Variants in GSE1 observed in about 807,000 individuals in gnomAD.
GSE1 encodes the protein genetic suppressor element 1.
Under a neutral mutation model 112.6 loss-of-function variants are expected in GSE1, and 32 were observed. That is an observed-to-expected ratio of 0.28 (90% CI 0.21 to 0.38). The LOEUF is 0.38. GSE1 is among the 10% of genes least tolerant of loss of function. GSE1 has a pLI of 1.00. For synonymous variants in GSE1, 1,115 were observed against 735.6 expected (o/e 1.52, Z -8.35); for missense variants, 2,348 against 1,699.2 (o/e 1.38, Z -6.71).
intron 2 of GSE1, among the ~76,000 whole-genome samples, chr16:85,471,462 G>A (rs1386052847): frequency 6.6e-6 from 1 of 152,166 alleles, no homozygotes; most frequent in Non-Finnish European, 1.5e-5. Flanking sequence ...CACCCAGGCT[G>A]GAGTGCAGTG....
chr16:85,621,402 G>A (rs570457579), intron 1 of GSE1, among the ~76,000 whole-genome samples: 3 of 152,356 alleles, frequency 2.0e-5, no homozygotes, highest in Admixed American at 6.5e-5. Flanking sequence ...TGGAGTGTGC[G>A]CTGAGATCGT....
intron 3 of GSE1, among the ~76,000 whole-genome samples, chr16:85,654,002 G>T (rs1455592187): frequency 6.6e-6 from 1 of 152,126 alleles, no homozygotes; most frequent in Non-Finnish European, 1.5e-5. Context: ...GTTTCTGGGG[G>T]GTTCTAGTTC....
At chr16:85,185,484 A>G (rs1054320804) in intron 1 of GSE1, 3 of 152,294 alleles carry the variant, frequency 2.0e-5, no homozygotes, top group African/African-American at 2.4e-5. Flanking sequence ...AGAGCGCAGC[A>G]TCTGGCCTGC....
intron 2 of GSE1, among the ~76,000 whole-genome samples, chr16:85,440,910 A>G (rs1361553850): frequency 6.6e-6 from 1 of 152,150 alleles, no homozygotes; most frequent in African/African-American, 2.4e-5. Flanking sequence ...GTCCTCACCC[A>G]TCATGCGGGG....
At chr16:85,292,831 CTGTG>C (rs1466435079) in intron 1 of GSE1, among the ~76,000 whole-genome samples, 1 of 152,214 alleles carries the variant, frequency 6.6e-6, no homozygotes, top group Non-Finnish European at 1.5e-5. Flanking sequence ...CCCGTCACCT[CTGTG>C]TGGTCCCAGA....
intron 1 of GSE1, among the ~76,000 whole-genome samples, chr16:85,206,237 T>C (rs933705292): frequency 1.3e-5 from 2 of 150,994 alleles, no homozygotes; most frequent in Admixed American, 1.3e-4. Context: ...TGGGAAGACC[T>C]GTGTTTGGCA....
At chr16:85,667,263 A>G (rs569169291) in intron 13 of GSE1, among the ~76,000 whole-genome samples, 38 of 152,286 alleles carry the variant, frequency 2.5e-4, no homozygotes, top group South Asian at 6.2e-4. Context: ...GCCTTACACT[A>G]AACTGTTTCC....
intron 1 of GSE1, among the ~76,000 whole-genome samples, chr16:85,201,305 G>C (rs1030326596): frequency 6.6e-6 from 1 of 150,420 alleles, no homozygotes; most frequent in African/African-American, 2.4e-5. Flanking sequence ...TCCTAGGCTC[G>C]AGTGATCCTT....
rs922270792 is a variant in GSE1, at chr16:85,544,886, G to A, written c.2465-89028G>A. Among the ~76,000 whole-genome samples, 13 of 152,362 alleles carry A rather than the reference G, an allele frequency of 8.5e-5. 1 individual carries two copies. The highest frequency in any genetic ancestry group is 1.3e-4 in the Admixed American group (2 of 15,306). On this transcript the variant is annotated intron_variant, in intron 2 of 2. Transcript: ENST00000637419. ...CAGGCAGCAGAACAGGACCGCGGCC[G>A]GAGCAGGATGTGAGGAGGCCAGCCG...
intron 1 of GSE1, among the ~76,000 whole-genome samples, chr16:85,214,444 G>A (rs1383120028): frequency 6.6e-6 from 1 of 152,184 alleles, no homozygotes; most frequent in Non-Finnish European, 1.5e-5. Flanking sequence ...TGCAGCGACT[G>A]ACCAAGCGAT....
intron 2 of GSE1, among the ~76,000 whole-genome samples, chr16:85,516,867 C>A (rs1008951109): frequency 2.0e-5 from 3 of 150,302 alleles, no homozygotes; most frequent in Middle Eastern, 6.4e-3. Context: ...GCGTGATCTC[C>A]ACTTACTGCA....
chr16:85,661,114 T>G, intron 8 of GSE1, 32 bp from the exon 9 acceptor site: 1 of 1,532,758 alleles, frequency 6.5e-7, no homozygotes, highest in Non-Finnish European at 8.8e-7. Context: ...GGGTCTTTTC[T>G]CCCTGACTGA....
At chr16:85,634,283 A>G (rs1337105729) in intron 2 of GSE1, 151 bp downstream of exon 2, 4 of 582,846 alleles carry the variant, frequency 6.9e-6, no homozygotes, top group Non-Finnish European at 1.1e-5. Flanking sequence ...GCTGAGCTAC[A>G]GACCCTGGGC....
intron 2 of GSE1, among the ~76,000 whole-genome samples, chr16:85,464,860 C>A (rs1257989410): frequency 6.6e-6 from 1 of 152,204 alleles, no homozygotes; most frequent in Non-Finnish European, 1.5e-5. Context: ...CCCACAGGGG[C>A]TGGTAGGGGC....
chr16:85,655,513 C>T (rs546965107), intron 5 of GSE1, among the ~76,000 whole-genome samples: 3 of 152,308 alleles, frequency 2.0e-5, no homozygotes, highest in East Asian at 3.9e-4. Flanking sequence ...AGGTGGCAGG[C>T]GGCGCCCTGG....
At chr16:85,418,646 A>G (rs1255484828) in intron 2 of GSE1, among the ~76,000 whole-genome samples, 2 of 152,160 alleles carry the variant, frequency 1.3e-5, no homozygotes, top group Non-Finnish European at 2.9e-5. Flanking sequence ...CACCATCAAG[A>G]GGACACAGTC....
At chr16:85,366,365 C>A (rs997315715) in intron 2 of GSE1, among the ~76,000 whole-genome samples, 2 of 152,264 alleles carry the variant, frequency 1.3e-5, no homozygotes, top group Non-Finnish European at 2.9e-5. Flanking sequence ...TCGTGTCACC[C>A]ACTCTGTCTC....
chr16:85,400,776 GTC>G (rs750980628), intron 2 of GSE1, among the ~76,000 whole-genome samples: 5 of 148,444 alleles, frequency 3.4e-5, no homozygotes, highest in African/African-American at 5.0e-5. Context: ...TGATGTGTGT[GTC>G]TCTGTGTGTG....
intron 2 of GSE1, among the ~76,000 whole-genome samples, chr16:85,644,135 C>T (rs1016816485): frequency 2.0e-5 from 3 of 152,076 alleles, no homozygotes; most frequent in Admixed American, 6.5e-5. Flanking sequence ...TGAGACCATC[C>T]TGGGCACCAC....
Sources: gnomAD v4.1 joint callset for allele counts (sites outside exome capture counted in the v4.1 genomes callset) on GRCh38, gnomAD v4.1.1 for gene constraint, MANE v1.5 for transcripts, NCBI Gene and HGNC (gene_info 2026-07-23, HGNC 2026-07-21) for gene names.